The following PLPPR1 variants were observed in gnomAD, a reference collection of about 807,000 sequenced individuals.
The protein encoded by PLPPR1 is phospholipid phosphatase related 1.
A neutral mutation model predicts 33.1 loss-of-function variants in PLPPR1; 10 were observed. The ratio of observed to expected loss-of-function variants is 0.30; its 90% CI spans 0.19 to 0.51. PLPPR1 has a LOEUF of 0.51. Among genes scored for constraint, PLPPR1 ranks in the 20% least tolerant of loss-of-function variants. The pLI, the probability that PLPPR1 is intolerant of heterozygous loss-of-function variation, is 0.97. For missense variants in PLPPR1, 304 were observed against 408.1 expected, an observed-to-expected ratio of 0.74 and a Z score of 2.20; for synonymous variants, 151 against 151.0, an observed-to-expected ratio of 1.00 and a Z score of 0.00.
At chr9:101,210,759 AGTTTTGTTTT>A (rs763255341) in intron 2 of PLPPR1, among the ~76,000 whole-genome samples, 27 of 152,014 alleles carry the variant, frequency 1.8e-4, no homozygotes, top group African/African-American at 5.1e-4. Flanking sequence ...TTATAATTAC[AGTTTTGTTTT>A]GTTTTGTTTT....
chr9:101,090,184 A>C (rs1447226956), intron 1 of PLPPR1, among the ~76,000 whole-genome samples: 1 of 152,112 alleles, frequency 6.6e-6, no homozygotes, highest in Non-Finnish European at 1.5e-5. Flanking sequence ...TAACGACATG[A>C]GCCCTAGTAG....
intron 2 of PLPPR1, among the ~76,000 whole-genome samples, chr9:101,205,287 A>G (rs1221806232): frequency 2.6e-5 from 4 of 152,192 alleles, no homozygotes; most frequent in Non-Finnish European, 5.9e-5. Flanking sequence ...TTAGAAATTT[A>G]AATTTTAAAT....
intron 1 of PLPPR1, among the ~76,000 whole-genome samples, chr9:101,180,561 T>C (rs1239215922): frequency 1.3e-5 from 2 of 151,744 alleles, no homozygotes; most frequent in Non-Finnish European, 2.9e-5. Flanking sequence ...TAGAACAGTA[T>C]AGACAGCCCA....
chr9:101,279,927 C>T (rs1037326718), intron 3 of PLPPR1, among the ~76,000 whole-genome samples: 3 of 151,796 alleles, frequency 2.0e-5, no homozygotes, highest in Non-Finnish European at 2.9e-5. Context: ...GCAAACCAAA[C>T]CCAAATTATG....
intron 2 of PLPPR1, among the ~76,000 whole-genome samples, chr9:101,213,594 C>G (rs1218992242): frequency 6.6e-6 from 1 of 152,074 alleles, no homozygotes; most frequent in Non-Finnish European, 1.5e-5. Flanking sequence ...CATGGGAAAA[C>G]CTATGACCAC....
chr9:101,066,437 G>A (rs948539241), intron 1 of PLPPR1, among the ~76,000 whole-genome samples: 50 of 151,882 alleles, frequency 3.3e-4, no homozygotes, highest in African/African-American at 1.2e-3. Flanking sequence ...TAAGGAATGG[G>A]GAGTCATGCT....
intron 1 of PLPPR1, chr9:101,184,894 C>T (rs958463911): frequency 6.6e-6 from 1 of 151,874 alleles, no homozygotes; most frequent in Non-Finnish European, 1.5e-5. Flanking sequence ...TGAAACAGAT[C>T]GGTGACATAT....
intron 1 of PLPPR1, among the ~76,000 whole-genome samples, chr9:101,049,268 G>T (rs1435044029): frequency 1.3e-5 from 2 of 152,152 alleles, no homozygotes; most frequent in African/African-American, 4.8e-5. Flanking sequence ...ATAAGGGTAT[G>T]AATATTTAAG....
rs752456685 is a variant in PLPPR1 at position 101,211,004 on chromosome 9, C to T, written c.63+25447C>T. Among the ~76,000 whole-genome samples, 6 of 152,068 alleles carry T rather than the reference C, an allele frequency of 3.9e-5. No individual in the cohort carries two copies. The South Asian group carries it at 8.3e-4, about 21-fold the overall frequency. On this transcript the variant is annotated intron_variant, in intron 2 of 7. Coordinates refer to ENST00000374874, the MANE Select transcript of PLPPR1 (RefSeq NM_207299.2). ...GGATGGTCTCGATCTCCTGACCTCA[C>T]GATCCACCTGCCTCGACCTCCCAAA... is the stretch of plus-strand genomic sequence containing the variant.
chr9:101,250,762 TATACCAAATTCC>T (rs1827700492), intron 2 of PLPPR1, among the ~76,000 whole-genome samples: 1 of 152,098 alleles, frequency 6.6e-6, no homozygotes. Context: ...TCACCATGAT[TATACCAAATTCC>T]ATGCCAAACT....
intron 1 of PLPPR1, among the ~76,000 whole-genome samples, chr9:101,040,815 T>C (rs997591774): frequency 6.6e-6 from 1 of 152,186 alleles, no homozygotes; most frequent in African/African-American, 2.4e-5. Flanking sequence ...CATCATAAGA[T>C]GAGGGACTCT....
intron 1 of PLPPR1, among the ~76,000 whole-genome samples, chr9:101,070,404 C>T (rs1830467273): frequency 6.6e-6 from 1 of 151,904 alleles, no homozygotes; most frequent in Non-Finnish European, 1.5e-5. Context: ...TGACATATTC[C>T]TATCATAGGG....
At chr9:101,106,354 A>C (rs2118563315) in intron 1 of PLPPR1, among the ~76,000 whole-genome samples, 1 of 118,400 alleles carries the variant, frequency 8.4e-6, no homozygotes, top group Non-Finnish European at 1.8e-5. Context: ...GTGGTGACAA[A>C]ATCTCTCAGC....
intron 1 of PLPPR1, among the ~76,000 whole-genome samples, chr9:101,159,820 A>T (rs1831750124): frequency 1.3e-5 from 2 of 152,224 alleles, no homozygotes; most frequent in South Asian, 4.1e-4. Flanking sequence ...GTTGAAATGA[A>T]CAACTACTGT....
At chr9:101,070,453 G>C (rs1397249223) in intron 1 of PLPPR1, among the ~76,000 whole-genome samples, 3 of 152,010 alleles carry the variant, frequency 2.0e-5, no homozygotes, top group African/African-American at 2.4e-5. Context: ...AGAAAAGGAA[G>C]AATGGCACAT....
intron 1 of PLPPR1, among the ~76,000 whole-genome samples, chr9:101,040,846 T>A (rs999202703): frequency 1.3e-5 from 2 of 152,198 alleles, no homozygotes; most frequent in Non-Finnish European, 2.9e-5. Context: ...TCCATTGTTA[T>A]ACCTCCAAGA....
At chr9:101,301,724 C>A (rs1017109393) in intron 4 of PLPPR1, among the ~76,000 whole-genome samples, 3 of 151,916 alleles carry the variant, frequency 2.0e-5, no homozygotes, top group Non-Finnish European at 4.4e-5. Flanking sequence ...TCAATTGCAC[C>A]GAATGTGTTT....
chr9:101,131,010 T>C (rs1447781519), intron 1 of PLPPR1, among the ~76,000 whole-genome samples: 1 of 152,114 alleles, frequency 6.6e-6, no homozygotes, highest in Non-Finnish European at 1.5e-5. Context: ...CATCACAAAT[T>C]TGTTGTGAGA....
At chr9:101,250,785 T>G (rs1484583568) in intron 2 of PLPPR1, among the ~76,000 whole-genome samples, 1 of 152,094 alleles carries the variant, frequency 6.6e-6, no homozygotes, top group Non-Finnish European at 1.5e-5. Context: ...ATGCCAAACT[T>G]CATGATATGC....
Sources: allele counts gnomAD v4.1 joint callset (sites outside exome capture counted in the v4.1 genomes callset), GRCh38; gene constraint gnomAD v4.1.1; transcripts MANE v1.5; gene names NCBI Gene and HGNC (gene_info 2026-07-23, HGNC 2026-07-21).